CDC42BPA: variants seen among roughly 807,000 people sequenced by gnomAD.
The protein encoded by CDC42BPA is CDC42 binding protein kinase alpha.
A neutral mutation model predicts 223.5 loss-of-function variants in CDC42BPA; 80 were observed. That is an observed-to-expected ratio of 0.36 (90% CI 0.30 to 0.43). The LOEUF (loss-of-function observed/expected upper bound fraction) is 0.43. Among genes scored for constraint, CDC42BPA ranks in the 20% least tolerant of loss-of-function variants. The pLI is 1.00. For missense variants in CDC42BPA, 1,743 were observed against 2,099.9 expected (o/e 0.83, Z 3.32); for synonymous variants, 694 against 718.6 (o/e 0.97, Z 0.55).
Position 227,101,052 on chromosome 1 carries a change from A to C in CDC42BPA, c.2189T>G (p.Leu730Arg). 1 of 1,566,068 alleles carries C rather than the reference A, an allele frequency of 6.4e-7. No homozygotes were observed. Among genetic ancestry groups the C allele is most frequent in the Non-Finnish European group, 8.8e-7 (1 of 1,138,228 alleles). Reference protein sequence around the residue: ...KELHDSEGQQLALNKEIMILK... With the variant: ...KELHDSEGQQRALNKEIMILK... ...AATCATAATTTCTTTGTTGAGAGCA[A>C]GTTGCTGACCTTCTGAATCATGCAG... The change falls in exon 15 of 37, where the codon CTT becomes CGT. Residue 730 changes from leucine (L) to arginine (R), a missense_variant. By Grantham distance (102) the Leu-to-Arg change is moderately radical (BLOSUM62 -2). Transcript: ENST00000366766.
Position 227,317,280 on chromosome 1 carries a change from C to A in CDC42BPA, c.-98G>T, listed in dbSNP as rs1249732066. The A allele has an allele frequency of 7.7e-7, 1 of 1,302,788 alleles. No homozygotes were observed. Among genetic ancestry groups the A allele is most frequent in the Non-Finnish European group, 1.1e-6 (1 of 946,760 alleles). 80.7% of individuals were successfully genotyped at this position (1,302,788 alleles called of 1,614,324 possible). A position where few individuals can be genotyped will look rare whatever the true frequency, so the allele number is the denominator to read the frequency against. The stretch of plus-strand genomic sequence containing the variant: ...TAAAAGGTATGGTTTTAAAAATAAA[C>A]CACTTGTTATTCAAACAACTGTCAT... On this transcript the variant is annotated 5_prime_UTR_variant, in exon 1 of 37. Transcript: ENST00000366766.
intron 1 of CDC42BPA, among the ~76,000 whole-genome samples, chr1:227,274,574 C>T (rs1686605345): frequency 6.6e-6 from 1 of 152,042 alleles, no homozygotes; most frequent in East Asian, 1.9e-4. Flanking sequence ...GAAATATATC[C>T]AAATAAATCT....
At chr1:227,115,612 A>G (rs890843337) in intron 12 of CDC42BPA, among the ~76,000 whole-genome samples, 19 of 152,240 alleles carry the variant, frequency 1.2e-4, no homozygotes, top group African/African-American at 4.6e-4. Flanking sequence ...TCAAGAACAC[A>G]CATTGAATGT....
chr1:227,003,337 ACTG>A (rs1459306140), intron 35 of CDC42BPA, among the ~76,000 whole-genome samples: 2 of 150,318 alleles, frequency 1.3e-5, no homozygotes, highest in Admixed American at 6.6e-5. Flanking sequence ...ACACTTGGGG[ACTG>A]CACTTACGCT....
intron 7 of CDC42BPA, among the ~76,000 whole-genome samples, chr1:227,146,462 A>T (rs1174067441): frequency 6.6e-6 from 1 of 152,140 alleles, no homozygotes; most frequent in African/African-American, 2.4e-5. Context: ...AAACCCTATA[A>T]AACTGATTTT....
chr1:227,256,850 T>C (rs1031241055), intron 1 of CDC42BPA, among the ~76,000 whole-genome samples: 2 of 152,008 alleles, frequency 1.3e-5, no homozygotes, highest in African/African-American at 4.8e-5. Flanking sequence ...TGTACAATGA[T>C]GTTCATGACA....
intron 15 of CDC42BPA, 56 bp from the exon 16 acceptor site, chr1:227,092,047 T>C (rs892959642): frequency 2.8e-5 from 27 of 957,288 alleles, no homozygotes; most frequent in East Asian, 1.5e-4. Flanking sequence ...ATTTGAAAAC[T>C]TGAAATTATT....
chr1:227,031,176 G>C (rs986480367), intron 28 of CDC42BPA, 122 bp downstream of exon 28: 1 of 711,330 alleles, frequency 1.4e-6, no homozygotes, highest in African/African-American at 1.8e-5. Context: ...CATGTACTGA[G>C]CATTTATGAT....
intron 12 of CDC42BPA, among the ~76,000 whole-genome samples, chr1:227,113,486 A>G (rs1281885901): frequency 6.6e-6 from 1 of 152,202 alleles, no homozygotes; most frequent in Non-Finnish European, 1.5e-5. Context: ...TGAGCTCACA[A>G]CCACAGATTC....
chr1:227,065,483 T>C (rs1676851792), intron 21 of CDC42BPA, among the ~76,000 whole-genome samples: 1 of 152,198 alleles, frequency 6.6e-6, no homozygotes, highest in Non-Finnish European at 1.5e-5. Context: ...ATTTCTTCTC[T>C]TCAAAGCTAC....
At chr1:227,121,249 T>C (rs1238069477) in intron 11 of CDC42BPA, among the ~76,000 whole-genome samples, 1 of 152,198 alleles carries the variant, frequency 6.6e-6, no homozygotes, top group Non-Finnish European at 1.5e-5. Context: ...TATCCTCAAG[T>C]CATTCATTTG....
intron 3 of CDC42BPA, among the ~76,000 whole-genome samples, chr1:227,204,352 C>A (rs1047146636): frequency 6.6e-6 from 1 of 152,078 alleles, no homozygotes; most frequent in African/African-American, 2.4e-5. Flanking sequence ...GTAACATCCG[C>A]AACTGCCAAG....
At position 227,294,827 on chromosome 1, in the gene CDC42BPA, TC is replaced by T. The variant is rs1018194754; in HGVS notation, c.178+22177del. Among the ~76,000 whole-genome samples, 8 of 52,458 alleles carry T rather than the reference TC, an allele frequency of 1.5e-4. 1 individual carries two copies. Among genetic ancestry groups the T allele is most frequent in the African/African-American group, 6.7e-4 (8 of 11,934 alleles). The allele number at this position is 52,458 out of a possible 152,430, so 34.4% of individuals were successfully genotyped here. Reference sequence around the variant, plus strand: ...GTGAGCCGAGATCGCGCCACTGCACTCCAGCCTGGGCGACAGAGCGAGACTC... The same window carrying T: ...GTGAGCCGAGATCGCGCCACTGCACTCAGCCTGGGCGACAGAGCGAGACTC... On this transcript the variant is annotated intron_variant, in intron 1 of 36. Transcript: ENST00000366766.
chr1:227,008,540 T>A (rs555799130), intron 34 of CDC42BPA, among the ~76,000 whole-genome samples: 1 of 152,268 alleles, frequency 6.6e-6, no homozygotes, highest in South Asian at 2.1e-4. Flanking sequence ...CCAGTTGCCA[T>A]GCAATTGTGA....
chr1:227,297,056 T>C (rs557926234), intron 1 of CDC42BPA, among the ~76,000 whole-genome samples: 3 of 152,332 alleles, frequency 2.0e-5, no homozygotes, highest in African/African-American at 7.2e-5. Flanking sequence ...GAAATTTCTA[T>C]ACCTTCTGCT....
chr1:227,142,031 G>A (rs1215681990), intron 9 of CDC42BPA, among the ~76,000 whole-genome samples: 2 of 152,024 alleles, frequency 1.3e-5, no homozygotes, highest in Non-Finnish European at 1.5e-5. Context: ...AATATACTAG[G>A]GTAATACAGT....
intron 17 of CDC42BPA, among the ~76,000 whole-genome samples, chr1:227,075,548 A>G (rs958496414): frequency 3.0e-4 from 45 of 152,172 alleles, no homozygotes; most frequent in Non-Finnish European, 2.9e-5. Context: ...CTCTATCTAC[A>G]TGTACACATT....
At chr1:227,113,432 T>G (rs981892206) in intron 12 of CDC42BPA, among the ~76,000 whole-genome samples, 4 of 152,080 alleles carry the variant, frequency 2.6e-5, no homozygotes, top group Admixed American at 2.6e-4. Context: ...GGGAAAGAAG[T>G]GCAATGAAAT....
chr1:227,028,907 G>C lies in CDC42BPA; in HGVS notation c.4182C>G (p.Leu1394=). The change falls in exon 30 of 37, where the codon CTC becomes CTG. Residue 1394 remains leucine (L), a synonymous_variant. Coordinates refer to ENST00000366766, the MANE Select transcript of CDC42BPA (RefSeq NM_001394014.1). ...VQWMAIFSEQ[L]CVGFQSGFLR... ...GAAATCCTGACTGGAATCCCACACA[G>C]AGTTGTTCACTGAAGATTGCCATCC... 6.2e-7 allele frequency: 1 copy of C among 1,613,968 alleles called. No individual in the cohort carries two copies. Among genetic ancestry groups the C allele is most frequent in the Middle Eastern group, 1.6e-4 (1 of 6,062 alleles).
Sources: allele counts gnomAD v4.1 joint callset (sites outside exome capture counted in the v4.1 genomes callset), GRCh38; gene constraint gnomAD v4.1.1; transcripts MANE v1.5; gene names NCBI Gene and HGNC (gene_info 2026-07-23, HGNC 2026-07-21).